Variants in ADCY2 observed in about 807,000 individuals in gnomAD.
ADCY2 encodes the protein adenylate cyclase type 2.
ADCY2 carries 31 observed loss-of-function variants against 125.2 expected under a neutral mutation model. The ratio of observed to expected loss-of-function variants is 0.25; its 90% CI spans 0.19 to 0.33. ADCY2 has a LOEUF of 0.33. Ranked by LOEUF, ADCY2 falls within the 10% of genes least tolerant of loss-of-function variation. The pLI is 1.00. For synonymous variants in ADCY2, 512 were observed against 548.4 expected (o/e 0.93, Z 0.93); for missense variants, 904 against 1,418.2 (o/e 0.64, Z 5.82).
chr5:7,820,800 A>C, intron 24 of ADCY2, 111 bp downstream of exon 24: 1 of 1,308,952 alleles, frequency 7.6e-7, no homozygotes, highest in Middle Eastern at 2.4e-4. Flanking sequence ...AAAAAAGTAA[A>C]CCTTGAAATT....
At chr5:7,740,264 A>C (rs1188321627) in intron 14 of ADCY2, among the ~76,000 whole-genome samples, 1 of 152,080 alleles carries the variant, frequency 6.6e-6, no homozygotes, top group Admixed American at 6.5e-5. Context: ...ATTTAAAAAA[A>C]AGATTTTTAT....
intron 2 of ADCY2, among the ~76,000 whole-genome samples, chr5:7,422,232 G>C (rs1156330577): frequency 6.6e-6 from 1 of 151,634 alleles, no homozygotes; most frequent in Non-Finnish European, 1.5e-5. Context: ...TTGAGATGGG[G>C]GTCTTGCTAT....
intron 4 of ADCY2, among the ~76,000 whole-genome samples, chr5:7,658,399 T>TTTGTG (rs1554029015): frequency 5.6e-4 from 73 of 131,024 alleles, no homozygotes; most frequent in African/African-American, 2.0e-3. Context: ...GTGAAGAGAA[T>TTTGTG]TGTGTGTGTG....
At position 7,802,208 on chromosome 5, in the gene ADCY2, T is replaced by G; in HGVS notation, c.2629-10T>G. 1 of 1,612,854 alleles carries G rather than the reference T, an allele frequency of 6.2e-7. No individual in the cohort carries two copies. Among genetic ancestry groups the G allele is most frequent in the Non-Finnish European group, 8.5e-7 (1 of 1,179,696 alleles). On this transcript the variant is annotated splice_polypyrimidine_tract_variant and intron_variant, in intron 20 of 24. Transcript: ENST00000338316. The surrounding 1 kb of genome is among the most constrained non-coding windows in gnomAD (Gnocchi z 4.6). Reference sequence around the variant, plus strand: ...TCCTAGTGATCAGCTCTTGCTTTTCTCCCAAGCAGGAGCTATACCACCAGT... The same window carrying G: ...TCCTAGTGATCAGCTCTTGCTTTTCGCCCAAGCAGGAGCTATACCACCAGT...
chr5:7,727,837 G>C (rs1337830570), intron 14 of ADCY2, among the ~76,000 whole-genome samples: 1 of 152,000 alleles, frequency 6.6e-6, no homozygotes, highest in Non-Finnish European at 1.5e-5. Context: ...TTCATGCTTC[G>C]AGGTGAATTC....
In ADCY2 at chr5:7,828,480, A is replaced by C. The variant is rs1745555421; in HGVS notation, c.*1609A>C. The C allele has an allele frequency of 6.6e-6, 1 of 152,240 alleles. No homozygotes were observed. Among genetic ancestry groups the C allele is most frequent in the Non-Finnish European group, 1.5e-5 (1 of 68,040 alleles). The allele number at this position is 152,240 out of a possible 1,614,324, so 9.4% of individuals were successfully genotyped here. A position where few individuals can be genotyped will look rare whatever the true frequency, so the allele number is the denominator to read the frequency against. ...GAGCCTGGCAGGTGCCCCGTGGTAC[A>C]TTCACAGCACGGGCACAGCTGCTGT... On this transcript the variant is annotated 3_prime_UTR_variant, in exon 25 of 25. Coordinates refer to ENST00000338316, the MANE Select transcript of ADCY2 (RefSeq NM_020546.3).
intron 2 of ADCY2, among the ~76,000 whole-genome samples, chr5:7,427,342 A>C (rs773480186): frequency 1.3e-5 from 2 of 152,214 alleles, no homozygotes; most frequent in Non-Finnish European, 2.9e-5. Flanking sequence ...AACAGGTTTA[A>C]TTGACTTACA....
chr5:7,589,474 G>GAAAGA (rs1554022193), intron 3 of ADCY2, among the ~76,000 whole-genome samples: 1 of 48,696 alleles, frequency 2.1e-5, no homozygotes, highest in African/African-American at 5.0e-5. Flanking sequence ...AAGAAAGAAA[G>GAAAGA]AAAGAAAGAA....
rs1256771738 is a variant in ADCY2 at position 7,716,649 on chromosome 5, G to T, written c.1623-508G>T. ...TAGGCTGTTGTTTCTTTTTCTACTT[G>T]ATTAGCAGAATTAAACAGAGCTTTT... On this transcript the variant is annotated intron_variant, in intron 11 of 24. Coordinates refer to ENST00000338316, the MANE Select transcript of ADCY2 (RefSeq NM_020546.3). 5.3e-5 allele frequency among the ~76,000 whole-genome samples: 8 copies of T among 152,140 alleles called. No homozygotes were observed. The East Asian group carries it at 1.5e-3, about 29-fold the overall frequency.
chr5:7,656,233 T>C (rs1341736495), intron 4 of ADCY2, among the ~76,000 whole-genome samples: 1 of 152,114 alleles, frequency 6.6e-6, no homozygotes, highest in African/African-American at 2.4e-5. Flanking sequence ...TTTGTATTTT[T>C]AGTGGAGACG....
intron 2 of ADCY2, among the ~76,000 whole-genome samples, chr5:7,420,283 G>A (rs1740143461): frequency 6.6e-6 from 1 of 152,066 alleles, no homozygotes; most frequent in African/African-American, 2.4e-5. Context: ...CAGCTCTTAA[G>A]CCCTCAGTGA....
chr5:7,592,116 C>G (rs1736865272), intron 3 of ADCY2, among the ~76,000 whole-genome samples: 1 of 152,174 alleles, frequency 6.6e-6, no homozygotes, highest in Non-Finnish European at 1.5e-5. Flanking sequence ...ACATATGGCT[C>G]TTTCTTCTTA....
chr5:7,512,231 A>AAAAAAAAAAAAAAAAAAAAAAAAAAC (rs1744091549), intron 2 of ADCY2, among the ~76,000 whole-genome samples: 3 of 148,114 alleles, frequency 2.0e-5, no homozygotes, highest in Non-Finnish European at 4.4e-5. Flanking sequence ...AAAAAAAAAA[A>AAAAAAAAAAAAAAAAAAAAAAAAAAC]AAAAAAAAAG....
rs1265397913 is a variant in ADCY2, at chr5:7,827,466, T to C, written c.*595T>C. 6.6e-6 allele frequency: 1 copy of C among 152,664 alleles called. No homozygotes were observed. Among genetic ancestry groups the C allele is most frequent in the Non-Finnish European group, 1.5e-5 (1 of 68,072 alleles). The allele number at this position is 152,664 out of a possible 1,614,324, so 9.5% of individuals were successfully genotyped here. A position where few individuals can be genotyped will look rare whatever the true frequency, so the allele number is the denominator to read the frequency against. Reference sequence around the variant, plus strand: ...GCCTAGGACCAGTTTTGTATCAAACTCGTCTGATGTTTTGATGCCATTTGT... The same window carrying C: ...GCCTAGGACCAGTTTTGTATCAAACCCGTCTGATGTTTTGATGCCATTTGT... On this transcript the variant is annotated 3_prime_UTR_variant, in exon 25 of 25. Transcript: ENST00000338316.
In ADCY2 at chr5:7,828,938, TC is replaced by T. The variant is rs1381018342; in HGVS notation, c.*2072del. ...TTCTCATAAACAGAGTCCCTCCCAT[TC>T]CCCCACGGGGTGCACCGAACTTGGG... On this transcript the variant is annotated 3_prime_UTR_variant, in exon 25 of 25. Coordinates refer to ENST00000338316, the MANE Select transcript of ADCY2 (RefSeq NM_020546.3). 1.3e-5 allele frequency: 2 copies of T among 152,010 alleles called. No homozygotes were observed. The highest frequency in any genetic ancestry group is 1.3e-4 in the Admixed American group (2 of 15,258). 9.4% of individuals were successfully genotyped at this position (152,010 alleles called of 1,614,324 possible).
chr5:7,631,190 C>T (rs530290658), intron 4 of ADCY2, among the ~76,000 whole-genome samples: 1 of 152,256 alleles, frequency 6.6e-6, no homozygotes, highest in South Asian at 2.1e-4. Flanking sequence ...ACTGGACTAA[C>T]CGGGCTAATC....
At chr5:7,815,141 C>A (rs1025928766) in intron 22 of ADCY2, among the ~76,000 whole-genome samples, 1 of 152,216 alleles carries the variant, frequency 6.6e-6, no homozygotes, top group Non-Finnish European at 1.5e-5. Context: ...TGTCTGCATT[C>A]CTCCCAGCCA....
intron 3 of ADCY2, among the ~76,000 whole-genome samples, chr5:7,599,928 C>A (rs535730876): frequency 6.6e-6 from 1 of 152,206 alleles, no homozygotes; most frequent in East Asian, 1.9e-4. Context: ...CTTCATCGTG[C>A]ATATAAAGGA....
At chr5:7,598,786 A>G (rs1490585216) in intron 3 of ADCY2, among the ~76,000 whole-genome samples, 1 of 152,204 alleles carries the variant, frequency 6.6e-6, no homozygotes, top group East Asian at 1.9e-4. Context: ...GAGCCACTGC[A>G]TCGTCTCCCC....
Sources: gnomAD v4.1 joint callset for allele counts (sites outside exome capture counted in the v4.1 genomes callset) on GRCh38, gnomAD v4.1.1 for gene constraint, Gnocchi (gnomAD v3.1) non-coding constraint, MANE v1.5 for transcripts, NCBI Gene and HGNC (gene_info 2026-07-23, HGNC 2026-07-21) for gene names.